DNAH5: variants seen among roughly 807,000 people sequenced by gnomAD.
DNAH5 encodes the protein axonemal beta dynein heavy chain 5.
In DNAH5, 372 loss-of-function variants were observed where a neutral mutation model predicts 518.2. That is an observed-to-expected ratio of 0.72 (90% CI 0.66 to 0.78). The LOEUF is 0.78. Among genes scored for constraint, DNAH5 ranks in the 30% least tolerant of loss-of-function variants. The pLI, the probability that DNAH5 is intolerant of heterozygous loss-of-function variation, is 0.00. For synonymous variants in DNAH5, 2,039 were observed against 2,025.9 expected (o/e 1.01, Z -0.17); for missense variants, 5,523 against 5,687.0 (o/e 0.97, Z 0.93).
At chr5:13,802,289 A>G (rs1183559294) in intron 47 of DNAH5, among the ~76,000 whole-genome samples, 1 of 152,172 alleles carries the variant, frequency 6.6e-6, no homozygotes, top group Admixed American at 6.5e-5. Flanking sequence ...AGACATGAAA[A>G]CCAGATGGTC....
chr5:13,864,266 T>C (rs1217788349), intron 28 of DNAH5, 131 bp downstream of exon 28: 1 of 1,204,964 alleles, frequency 8.3e-7, no homozygotes, highest in Non-Finnish European at 1.2e-6. Context: ...TTGAAGGAAC[T>C]AGTGGCTGAA....
chr5:13,746,659 C>A (rs1385252783), intron 65 of DNAH5, among the ~76,000 whole-genome samples: 1 of 151,960 alleles, frequency 6.6e-6, no homozygotes, highest in East Asian at 1.9e-4. Context: ...ATATGGGAGG[C>A]AATTAGTATT....
intron 66 of DNAH5, among the ~76,000 whole-genome samples, chr5:13,736,970 T>G (rs568301960): frequency 6.6e-6 from 1 of 152,332 alleles, no homozygotes; most frequent in South Asian, 2.1e-4. Flanking sequence ...GTCATCAGAT[T>G]TTTTAAAATT....
intron 50 of DNAH5, among the ~76,000 whole-genome samples, chr5:13,791,018 T>C (rs1165751890): frequency 6.6e-6 from 1 of 152,012 alleles, no homozygotes; most frequent in Non-Finnish European, 1.5e-5. Context: ...TAAGCCCCCA[T>C]GAAACATGTT....
intron 57 of DNAH5, 21 bp downstream of exon 57, chr5:13,769,480 C>T (rs1001614660): frequency 1.9e-6 from 3 of 1,585,176 alleles, no homozygotes; most frequent in Non-Finnish European, 2.6e-6. Context: ...GAATGTGGCA[C>T]ATGTGTAAAT....
intron 75 of DNAH5, among the ~76,000 whole-genome samples, chr5:13,709,070 A>G (rs1435679833): frequency 2.0e-5 from 3 of 152,202 alleles, no homozygotes; most frequent in Non-Finnish European, 4.4e-5. Context: ...GAAAGCTGAT[A>G]ACAGTATTGA....
intron 65 of DNAH5, among the ~76,000 whole-genome samples, chr5:13,742,910 T>G (rs978827827): frequency 1.3e-5 from 2 of 151,962 alleles, no homozygotes; most frequent in Non-Finnish European, 2.9e-5. Flanking sequence ...CAAAAGAAAG[T>G]TTATCTGAGA....
At chr5:13,732,320 C>T (rs1746703889) in intron 68 of DNAH5, among the ~76,000 whole-genome samples, 1 of 152,014 alleles carries the variant, frequency 6.6e-6, no homozygotes. Flanking sequence ...CATAGAAGAC[C>T]ATATTCTCAC....
intron 28 of DNAH5, among the ~76,000 whole-genome samples, chr5:13,863,479 A>G (rs1042292315): frequency 6.6e-6 from 1 of 152,058 alleles, no homozygotes; most frequent in African/African-American, 2.4e-5. Flanking sequence ...CTCTGTGGTC[A>G]GCACCTTCAT....
At chr5:13,695,996 C>G (rs550307466) in intron 78 of DNAH5, among the ~76,000 whole-genome samples, 39 of 152,302 alleles carry the variant, frequency 2.6e-4, no homozygotes, top group African/African-American at 9.1e-4. Context: ...TGGATTAAAT[C>G]CTGTGGGCTC....
chr5:13,937,185 G>A (rs1177097080), intron 1 of DNAH5, among the ~76,000 whole-genome samples: 1 of 150,984 alleles, frequency 6.6e-6, no homozygotes, highest in Non-Finnish European at 1.5e-5. Context: ...GATGCCCAAG[G>A]GCAACTAAGA....
intron 31 of DNAH5, among the ~76,000 whole-genome samples, chr5:13,846,872 AC>A (rs1766080521): frequency 6.6e-6 from 1 of 152,182 alleles, no homozygotes; most frequent in Non-Finnish European, 1.5e-5. Flanking sequence ...TATAATGTTT[AC>A]TTTTGTTTTA....
chr5:13,842,893 C>T (rs998966569), intron 32 of DNAH5, among the ~76,000 whole-genome samples: 1 of 152,088 alleles, frequency 6.6e-6, no homozygotes, highest in Non-Finnish European at 1.5e-5. Context: ...AGAACAAAGG[C>T]TAAAAGTCTG....
At chr5:13,951,196 T>G (rs1780368642) in intron 1 of DNAH5, among the ~76,000 whole-genome samples, 1 of 147,340 alleles carries the variant, frequency 6.8e-6, no homozygotes, top group South Asian at 2.1e-4. Flanking sequence ...TTGTTTTTTT[T>G]TTGTTTTTTT....
At chr5:13,989,311 C>T (rs1428221880) in intron 1 of DNAH5, among the ~76,000 whole-genome samples, 1 of 151,604 alleles carries the variant, frequency 6.6e-6, no homozygotes, top group Non-Finnish European at 1.5e-5. Flanking sequence ...CAATGAAATT[C>T]TATGCAGCCA....
chr5:13,837,781 C>T (rs997420818), intron 35 of DNAH5, among the ~76,000 whole-genome samples: 1 of 145,490 alleles, frequency 6.9e-6, no homozygotes, highest in African/African-American at 2.5e-5. Flanking sequence ...TGTCTCACTG[C>T]AACCTCCGCC....
chr5:13,763,800 A>C (rs552030893), intron 59 of DNAH5, among the ~76,000 whole-genome samples: 4 of 152,328 alleles, frequency 2.6e-5, no homozygotes, highest in Non-Finnish European at 5.9e-5. Flanking sequence ...GGAGCAACAG[A>C]AGGTCAGTGG....
upstream of DNAH5, among the ~76,000 whole-genome samples, chr5:13,945,649 A>G (rs1218631228): frequency 2.0e-5 from 3 of 151,986 alleles, no homozygotes; most frequent in African/African-American, 7.3e-5. Context: ...TCTGTCACAC[A>G]GGCTGGAGTG....
chr5:13,759,005 T>C, intron 60 of DNAH5, 22 bp from the exon 61 acceptor site: 1 of 1,613,824 alleles, frequency 6.2e-7, no homozygotes, highest in East Asian at 2.2e-5. Context: ...ACACACAGAG[T>C]GAAGAGATGG....
Sources: gnomAD v4.1 joint callset for allele counts (sites outside exome capture counted in the v4.1 genomes callset) on GRCh38, gnomAD v4.1.1 for gene constraint, MANE v1.5 for transcripts, NCBI Gene and HGNC (gene_info 2026-07-23, HGNC 2026-07-21) for gene names.